Variants in NPAS3 observed in about 807,000 individuals in gnomAD.
The protein encoded by NPAS3 is neuronal PAS domain-containing protein 3.
In NPAS3, 14 loss-of-function variants were observed where a neutral mutation model predicts 73.1. The observed-to-expected ratio is 0.19, with a 90% CI of 0.13 to 0.30. The LOEUF (loss-of-function observed/expected upper bound fraction) is 0.30. Among genes scored for constraint, NPAS3 ranks in the 10% least tolerant of loss-of-function variants. The pLI, the probability that NPAS3 is intolerant of heterozygous loss-of-function variation, is 1.00. For missense variants in NPAS3, 1,096 were observed against 1,250.0 expected (o/e 0.88, Z 1.86); for synonymous variants, 620 against 541.5 (o/e 1.14, Z -2.01).
intron 3 of NPAS3, among the ~76,000 whole-genome samples, chr14:33,246,038 T>C (rs530231380): frequency 2.0e-5 from 3 of 152,146 alleles, no homozygotes; most frequent in East Asian, 3.9e-4. Flanking sequence ...AGTGAGGACA[T>C]GGATATGGAA....
At chr14:33,095,853 T>A (rs1317834821) in intron 2 of NPAS3, among the ~76,000 whole-genome samples, 1 of 151,418 alleles carries the variant, frequency 6.6e-6, no homozygotes, top group Non-Finnish European at 1.5e-5. Flanking sequence ...TATTTTTTTT[T>A]AGTAGAGACG....
At chr14:33,561,900 A>C (rs553847675) in intron 5 of NPAS3, among the ~76,000 whole-genome samples, 1 of 152,344 alleles carries the variant, frequency 6.6e-6, no homozygotes, top group South Asian at 2.1e-4. Flanking sequence ...AATTCTGTCA[A>C]GGCAACTGCA....
chr14:33,471,865 C>T (rs768923032), intron 4 of NPAS3, among the ~76,000 whole-genome samples: 9 of 152,176 alleles, frequency 5.9e-5, no homozygotes, highest in Non-Finnish European at 7.3e-5. Flanking sequence ...TATTTACAGC[C>T]GCTCCCTATC....
At position 33,735,260 on chromosome 14, in the gene NPAS3, G is replaced by A. The variant is rs773415582; in HGVS notation, c.780G>A (p.Glu260=). 13 of 1,613,672 alleles carry A rather than the reference G, an allele frequency of 8.1e-6. No individual in the cohort carries two copies. The Admixed American group carries it at 2.2e-4, about 27-fold the overall frequency. Residue 260 remains glutamate (E), a synonymous_variant, in exon 7 of 12, where the codon GAG becomes GAA. Transcript: ENST00000356141. Reference sequence around the variant, plus strand: ...TGCTAACCACTGACAACACTCTTGAGCGTTCCTTTTTCATCCGAATGAAAT... The same window carrying A: ...TGCTAACCACTGACAACACTCTTGAACGTTCCTTTTTCATCCGAATGAAAT...
At chr14:33,254,125 G>A (rs1331417384) in intron 3 of NPAS3, among the ~76,000 whole-genome samples, 2 of 151,930 alleles carry the variant, frequency 1.3e-5, no homozygotes, top group Non-Finnish European at 2.9e-5. Flanking sequence ...ACTGACTGGG[G>A]TCCTCGCATG....
At chr14:33,285,353 G>A (rs141335060) in intron 3 of NPAS3, among the ~76,000 whole-genome samples, 2,741 of 152,210 alleles carry the variant, frequency 0.018, 41 homozygotes, top group Admixed American at 0.027. Context: ...AAGAACTAAG[G>A]ATTAATTTAT....
At chr14:33,544,045 T>C (rs925699706) in intron 4 of NPAS3, among the ~76,000 whole-genome samples, 1 of 127,596 alleles carries the variant, frequency 7.8e-6, no homozygotes, top group African/African-American at 3.0e-5. Context: ...GGTTAGTTCA[T>C]GTAGAGTCCT....
chr14:33,769,009 G>A (rs111569348), intron 7 of NPAS3, among the ~76,000 whole-genome samples: 1 of 152,064 alleles, frequency 6.6e-6, no homozygotes, highest in Non-Finnish European at 1.5e-5. Context: ...GGAGAAAAAG[G>A]GTGCTTAAGA....
At chr14:33,750,842 C>T (rs1424570866) in intron 7 of NPAS3, among the ~76,000 whole-genome samples, 1 of 152,124 alleles carries the variant, frequency 6.6e-6, no homozygotes, top group African/African-American at 2.4e-5. Context: ...GTGATATGTG[C>T]TATAATAGAG....
intron 9 of NPAS3, among the ~76,000 whole-genome samples, chr14:33,783,010 T>C (rs2063029038): frequency 6.6e-6 from 1 of 152,190 alleles, no homozygotes; most frequent in East Asian, 1.9e-4. Context: ...AATGCGGGAC[T>C]AATTAGTATA....
intron 4 of NPAS3, among the ~76,000 whole-genome samples, chr14:33,391,584 G>C (rs1251006269): frequency 6.6e-6 from 1 of 152,192 alleles, no homozygotes; most frequent in Non-Finnish European, 1.5e-5. Context: ...TTTTGATTAA[G>C]AGGAAGAGAG....
Position 33,691,216 on chromosome 14 carries a change from A to C in NPAS3, c.733+14831A>C, listed in dbSNP as rs557687692. 2.0e-5 allele frequency among the ~76,000 whole-genome samples: 3 copies of C among 152,346 alleles called. No individual in the cohort carries two copies. The South Asian group carries it at 6.2e-4, about 32-fold the overall frequency. ...GACCACCAACAGAATTACAGAAAAGAATTGCTGGTATTTGGGCCTTTGCTG... is the reference window on the plus strand; with the variant it reads ...GACCACCAACAGAATTACAGAAAAGCATTGCTGGTATTTGGGCCTTTGCTG... On this transcript the variant is annotated intron_variant, in intron 6 of 11. Coordinates refer to ENST00000356141, the Ensembl canonical transcript of NPAS3.
In NPAS3 at chr14:33,582,082, G is replaced by A. The variant is rs147462158; in HGVS notation, c.558+21872G>A. On this transcript the variant is annotated intron_variant, in intron 5 of 11. Transcript: ENST00000356141. ...TATGTACCCATTCTTATACCCTCAG[G>A]ATAAATTTCCAGAAATGAAGTCAAA... The A allele has an allele frequency of 2.3e-4, 35 of 152,168 alleles. 1 individual carries two copies. The highest frequency in any genetic ancestry group is 7.9e-4 in the African/African-American group (33 of 41,516). The allele number at this position is 152,168 out of a possible 1,614,324, so 9.4% of individuals were successfully genotyped here.
chr14:33,686,103 T>C (rs904020424), intron 6 of NPAS3, among the ~76,000 whole-genome samples: 2 of 152,184 alleles, frequency 1.3e-5, no homozygotes, highest in African/African-American at 4.8e-5. Context: ...AGCAGCTCAA[T>C]GATTGCAGGC....
At chr14:33,136,351 G>T (rs145756904) in intron 2 of NPAS3, among the ~76,000 whole-genome samples, 3 of 152,104 alleles carry the variant, frequency 2.0e-5, no homozygotes, top group African/African-American at 7.2e-5. Context: ...GAGCCACTGC[G>T]CCTGGCCAAA....
chr14:33,127,102 A>AC (rs1555341378), intron 2 of NPAS3, among the ~76,000 whole-genome samples: 2 of 150,820 alleles, frequency 1.3e-5, no homozygotes, highest in Non-Finnish European at 3.0e-5. Context: ...AAAAAAAAAA[A>AC]CTCTAAATAA....
chr14:33,083,400 A>C (rs903808691), intron 2 of NPAS3, among the ~76,000 whole-genome samples: 3 of 152,064 alleles, frequency 2.0e-5, no homozygotes, highest in Non-Finnish European at 2.9e-5. Flanking sequence ...CTCACTTTAG[A>C]AAAGGAGAGG....
At chr14:33,801,096 G>A (rs369308818) in exon 12 of NPAS3, 4 of 1,586,358 alleles carry the variant, frequency 2.5e-6, no homozygotes, top group African/African-American at 2.7e-5. Flanking sequence ...ACTCTGGAGC[G>A]CAAGGAGGAC....
At chr14:33,049,105 G>A (rs2040613474) in intron 1 of NPAS3, among the ~76,000 whole-genome samples, 1 of 152,174 alleles carries the variant, frequency 6.6e-6, no homozygotes, top group Non-Finnish European at 1.5e-5. Context: ...CATGAATATA[G>A]AGCTATAGAG....
Sources: gnomAD v4.1 joint callset for allele counts (sites outside exome capture counted in the v4.1 genomes callset) on GRCh38, gnomAD v4.1.1 for gene constraint, MANE v1.5 for transcripts, NCBI Gene and HGNC (gene_info 2026-07-23, HGNC 2026-07-21) for gene names.